ANKRD11: variants seen among roughly 807,000 people sequenced by gnomAD.
The protein encoded by ANKRD11 is ankyrin repeat domain-containing protein 11.
ANKRD11 carries 17 observed loss-of-function variants against 195.7 expected under a neutral mutation model. That is an observed-to-expected ratio of 0.09 (90% confidence interval 0.06 to 0.13). The LOEUF is 0.13. Among genes scored for constraint, ANKRD11 ranks in the 10% least tolerant of loss-of-function variants. The pLI is 1.00. For synonymous variants in ANKRD11, 1,953 were observed against 1,528.1 expected, an observed-to-expected ratio of 1.28 and a Z score of -6.49; for missense variants, 3,735 against 3,566.1, an observed-to-expected ratio of 1.05 and a Z score of -1.21.
chr16:89,408,940 C>G (rs2042013122), intron 2 of ANKRD11, among the ~76,000 whole-genome samples: 1 of 152,198 alleles, frequency 6.6e-6, no homozygotes. Flanking sequence ...AGTGAACAGG[C>G]CGCTGTGGAG....
chr16:89,315,629 C>A (rs2036908036), intron 3 of ANKRD11, among the ~76,000 whole-genome samples: 1 of 152,348 alleles, frequency 6.6e-6, no homozygotes, highest in Admixed American at 6.5e-5. Context: ...TGGAACCCAC[C>A]CAGCCCTGCA....
At chr16:89,466,175 AC>A (rs1314680034) in intron 1 of ANKRD11, among the ~76,000 whole-genome samples, 3 of 151,348 alleles carry the variant, frequency 2.0e-5, no homozygotes, top group African/African-American at 7.3e-5. Flanking sequence ...CATGCAGCCC[AC>A]CCCCTACAAG....
chr16:89,287,858 G>A (rs1012290874), intron 7 of ANKRD11: 4 of 278,338 alleles, frequency 1.4e-5, no homozygotes, highest in African/African-American at 6.6e-5. Context: ...GGAGCACGAC[G>A]GGCACCAGCA....
chr16:89,355,016 C>A (rs1451592148), intron 2 of ANKRD11, among the ~76,000 whole-genome samples: 1 of 152,192 alleles, frequency 6.6e-6, no homozygotes, highest in South Asian at 2.1e-4. Flanking sequence ...ATGCTGAAGA[C>A]CCACCAGATG....
chr16:89,282,800 C>T lies in ANKRD11; in HGVS notation c.3742G>A (p.Ala1248Thr). 1 of 1,611,430 alleles carries T rather than the reference C, an allele frequency of 6.2e-7. No homozygotes were observed. The highest frequency in any genetic ancestry group is 8.5e-7 in the Non-Finnish European group (1 of 1,179,996). ...TGTTTGCTTTTAGCCTTGTCTTCGG[C>T]AGCGTGCTTCTTTTCAGCCTTCTCG... ...LPEKAEKKHA[A>T]EDKAKSKHKE... Residue 1248 changes from alanine to threonine, a missense_variant, in exon 9 of 13, where the codon GCC (alanine) becomes ACC (threonine). Ala to Thr is a moderately conservative substitution (Grantham distance 58, BLOSUM62 0). Coordinates refer to ENST00000301030, the MANE Select transcript of ANKRD11 (RefSeq NM_013275.6).
chr16:89,396,206 G>A (rs932109481), intron 2 of ANKRD11: 8 of 152,202 alleles, frequency 5.3e-5, no homozygotes, highest in South Asian at 2.1e-4. Context: ...AGTCTCCCTG[G>A]AAGAGACAGG....
At chr16:89,370,236 G>A (rs2040135555) in intron 2 of ANKRD11, among the ~76,000 whole-genome samples, 1 of 152,214 alleles carries the variant, frequency 6.6e-6, no homozygotes, top group Non-Finnish European at 1.5e-5. Context: ...GGGAGCCCAT[G>A]TCCAGGGGTG....
chr16:89,354,987 A>G (rs1323476330), intron 2 of ANKRD11, among the ~76,000 whole-genome samples: 3 of 152,360 alleles, frequency 2.0e-5, no homozygotes, highest in African/African-American at 4.8e-5. Context: ...TCCAAGTCCC[A>G]GGAAATGCAC....
chr16:89,320,720 C>T (rs764933179), intron 2 of ANKRD11, among the ~76,000 whole-genome samples: 1 of 152,218 alleles, frequency 6.6e-6, no homozygotes, highest in Non-Finnish European at 1.5e-5. Context: ...CTGGCAGCCC[C>T]GCATCTGTGC....
chr16:89,371,527 G>A (rs1458292258), intron 2 of ANKRD11, among the ~76,000 whole-genome samples: 1 of 152,178 alleles, frequency 6.6e-6, no homozygotes, highest in African/African-American at 2.4e-5. Context: ...ACCCACAGAT[G>A]AGTTCTCTCA....
chr16:89,458,539 TTAGGAA>T (rs1305513915), intron 1 of ANKRD11, among the ~76,000 whole-genome samples: 1 of 152,230 alleles, frequency 6.6e-6, no homozygotes, highest in Admixed American at 6.5e-5. Context: ...ATTTCATTTC[TTAGGAA>T]TAACATTTTA....
At chr16:89,330,504 G>C (rs764635110) in intron 2 of ANKRD11, among the ~76,000 whole-genome samples, 3 of 152,122 alleles carry the variant, frequency 2.0e-5, no homozygotes, top group Non-Finnish European at 2.9e-5. Context: ...GGCTACGTGA[G>C]GGTCCCCGTG....
In ANKRD11 at chr16:89,270,804, G is replaced by A. The variant is rs775990240; in HGVS notation, c.7806+13C>T. 4 of 1,612,392 alleles carry A rather than the reference G, an allele frequency of 2.5e-6. No individual in the cohort carries two copies. In the Admixed American group the frequency reaches 5.0e-5, roughly 20 times the overall value. ...CTCCCCCAGGCAGAACTGAGGGGAC[G>A]CGCAACACCGACCTTCATGCGGTCA... On this transcript the variant is annotated intron_variant, in intron 12 of 12. Transcript: ENST00000301030.
rs576746636 is a variant in ANKRD11 at position 89,395,947 on chromosome 16, C to T, written c.-60+22337G>A. 5.3e-5 allele frequency: 8 copies of T among 152,338 alleles called. 1 individual carries two copies. In the South Asian group the frequency reaches 1.4e-3, roughly 28 times the overall value. 9.4% of individuals were successfully genotyped at this position (152,338 alleles called of 1,614,324 possible). A position where few individuals can be genotyped will look rare whatever the true frequency, so the allele number is the denominator to read the frequency against. On this transcript the variant is annotated intron_variant, in intron 2 of 12. Transcript: ENST00000301030. ...CAAAACAAGTATGCACAAAGCACTGCTGCCGCACACCAGACACAGCGGCCT... is the reference window on the plus strand; with the variant it reads ...CAAAACAAGTATGCACAAAGCACTGTTGCCGCACACCAGACACAGCGGCCT...
At chr16:89,482,997 A>G (rs2057493140) in intron 1 of ANKRD11, among the ~76,000 whole-genome samples, 1 of 152,192 alleles carries the variant, frequency 6.6e-6, no homozygotes, top group African/African-American at 2.4e-5. Flanking sequence ...AATCAACAGA[A>G]CTATAAAACA....
intron 6 of ANKRD11, chr16:89,289,079 G>A (rs939016804): frequency 7.4e-5 from 22 of 297,358 alleles, no homozygotes; most frequent in African/African-American, 4.4e-4. Flanking sequence ...AGAGCCTCCT[G>A]AAGGCTGAAG....
At chr16:89,413,455 C>G (rs567651433) in intron 2 of ANKRD11, among the ~76,000 whole-genome samples, 1 of 152,236 alleles carries the variant, frequency 6.6e-6, no homozygotes, top group African/African-American at 2.4e-5. Flanking sequence ...GAAACCCCGT[C>G]TCTACTAAAG....
rs753798424 is a variant in ANKRD11, at chr16:89,275,174, G to T, written c.7488C>A (p.Ser2496=). The stretch of plus-strand genomic sequence containing the variant: ...ACAGCTCCTTCAGGGGCTCCGCCAG[G>T]GAGGGAGGGGGTGCGATCTACAGGC... The part of the protein sequence containing the change: ...LHIPVIAPPP[S]LAEPLKELFR... The change falls in exon 10 of 13, where the codon TCC becomes TCA. Residue 2496 remains serine (S), a synonymous_variant. Coordinates refer to ENST00000301030, the MANE Select transcript of ANKRD11 (RefSeq NM_013275.6). 6.2e-7 allele frequency: 1 copy of T among 1,609,018 alleles called. No homozygotes were observed. The highest frequency in any genetic ancestry group is 8.5e-7 in the Non-Finnish European group (1 of 1,178,160).
At chr16:89,352,238 G>C (rs781083713) in intron 2 of ANKRD11, among the ~76,000 whole-genome samples, 1 of 152,138 alleles carries the variant, frequency 6.6e-6, no homozygotes, top group African/African-American at 2.4e-5. Flanking sequence ...GGGATGGAAT[G>C]CTGGACACGA....
Sources: allele counts gnomAD v4.1 joint callset (sites outside exome capture counted in the v4.1 genomes callset), GRCh38; gene constraint gnomAD v4.1.1; transcripts MANE v1.5; gene names NCBI Gene and HGNC (gene_info 2026-07-23, HGNC 2026-07-21).